Variants in MCOLN2 observed in about 807,000 individuals in gnomAD.
MCOLN2 encodes mucolipin-2.
A neutral mutation model predicts 67.5 loss-of-function variants in MCOLN2; 57 were observed. That is an observed-to-expected ratio of 0.84 (90% CI 0.68 to 1.05). The LOEUF is 1.05. Among genes scored for constraint, MCOLN2 ranks in the 50% least tolerant of loss-of-function variants. MCOLN2 has a pLI of 0.00. For missense variants in MCOLN2, 620 were observed against 678.8 expected, an observed-to-expected ratio of 0.91 and a Z score of 0.96; for synonymous variants, 246 against 233.3, an observed-to-expected ratio of 1.05 and a Z score of -0.50.
chr1:84,989,597 T>C (rs762009215), intron 1 of MCOLN2, among the ~76,000 whole-genome samples: 7 of 152,104 alleles, frequency 4.6e-5, no homozygotes, highest in South Asian at 2.1e-4. Flanking sequence ...AAATTGATAG[T>C]AGTATAATAT....
chr1:84,940,808 G>A, intron 8 of MCOLN2, 71 bp downstream of exon 8: 5 of 937,066 alleles, frequency 5.3e-6, no homozygotes, highest in Non-Finnish European at 8.2e-6. Flanking sequence ...CACAATATCG[G>A]TGGTCCACTG....
chr1:84,949,091 C>G (rs142369080), intron 6 of MCOLN2, among the ~76,000 whole-genome samples: 6,404 of 152,282 alleles, frequency 0.042, 474 homozygotes, highest in African/African-American at 0.15. Flanking sequence ...GATCACACCA[C>G]TGCACTCCAG....
chr1:84,949,892 G>A (rs886644922), intron 6 of MCOLN2, among the ~76,000 whole-genome samples: 2 of 152,162 alleles, frequency 1.3e-5, no homozygotes, highest in Non-Finnish European at 2.9e-5. Context: ...CAAAAGCTGA[G>A]GGAATTTTCA....
At chr1:84,949,397 G>C (rs1648291042) in intron 6 of MCOLN2, among the ~76,000 whole-genome samples, 1 of 152,202 alleles carries the variant, frequency 6.6e-6, no homozygotes, top group Non-Finnish European at 1.5e-5. Context: ...CCAACACTTT[G>C]GGAGGCTAAG....
At chr1:84,980,891 T>G (rs766270206) in intron 1 of MCOLN2, among the ~76,000 whole-genome samples, 1 of 152,144 alleles carries the variant, frequency 6.6e-6, no homozygotes, top group African/African-American at 2.4e-5. Context: ...AGGGAGAAGA[T>G]ATTTGCAAAC....
chr1:84,974,249 T>G (rs1649887349), intron 1 of MCOLN2, among the ~76,000 whole-genome samples: 1 of 151,996 alleles, frequency 6.6e-6, no homozygotes, highest in Admixed American at 6.6e-5. Flanking sequence ...CGAGTCCTAG[T>G]GCTGAACTGG....
At chr1:84,996,274 C>T (rs1459303693) in intron 1 of MCOLN2, among the ~76,000 whole-genome samples, 1 of 151,862 alleles carries the variant, frequency 6.6e-6, no homozygotes, top group Admixed American at 6.6e-5. Flanking sequence ...TAAGAAACCT[C>T]TCCCACCTTT....
intron 1 of MCOLN2, among the ~76,000 whole-genome samples, chr1:84,965,968 C>T (rs1476987483): frequency 1.1e-4 from 16 of 152,148 alleles, no homozygotes; most frequent in Admixed American, 9.8e-4. Flanking sequence ...AATGGCCAAT[C>T]TCGGCCAGAC....
At chr1:84,961,852 A>C (rs528841200) in intron 2 of MCOLN2, among the ~76,000 whole-genome samples, 1 of 152,338 alleles carries the variant, frequency 6.6e-6, no homozygotes, top group Admixed American at 6.5e-5. Context: ...TACCAGGTAA[A>C]AACAAGATAC....
intron 11 of MCOLN2, among the ~76,000 whole-genome samples, chr1:84,936,544 A>G (rs1647442992): frequency 6.6e-6 from 1 of 152,212 alleles, no homozygotes; most frequent in African/African-American, 2.4e-5. Context: ...CTCATGAGTC[A>G]CCTTTAAAGC....
intron 1 of MCOLN2, among the ~76,000 whole-genome samples, chr1:84,969,570 C>CAAAAAAAA (rs60003501): frequency 1.2e-5 from 1 of 80,704 alleles, no homozygotes; most frequent in African/African-American, 3.9e-5. Flanking sequence ...GACTCTGCCT[C>CAAAAAAAA]AAAAAAAAAA....
chr1:84,940,590 G>GT (rs1344400901), intron 8 of MCOLN2, among the ~76,000 whole-genome samples: 2 of 152,160 alleles, frequency 1.3e-5, no homozygotes, highest in Non-Finnish European at 2.9e-5. Flanking sequence ...AGAGGGATTT[G>GT]TTATTCTGGA....
At position 84,958,710 on chromosome 1, in the gene MCOLN2, A is replaced by C. The variant is rs1187420284; in HGVS notation, c.238-8T>G. On this transcript the variant is annotated splice_region_variant and splice_polypyrimidine_tract_variant and intron_variant, in intron 2 of 13. Coordinates refer to ENST00000370608, the MANE Select transcript of MCOLN2 (RefSeq NM_153259.4). Reference sequence around the variant, plus strand: ...TAAACCAAAACGAACAAGCTAAAAAATAAAATAAAATAGAAACACATGAAT... The same window carrying C: ...TAAACCAAAACGAACAAGCTAAAAACTAAAATAAAATAGAAACACATGAAT... 1 of 1,559,300 alleles carries C rather than the reference A, an allele frequency of 6.4e-7. No individual in the cohort carries two copies. Among genetic ancestry groups the C allele is most frequent in the Non-Finnish European group, 8.6e-7 (1 of 1,158,388 alleles).
chr1:84,951,586 A>T (rs1336976899), intron 6 of MCOLN2, among the ~76,000 whole-genome samples: 2 of 152,252 alleles, frequency 1.3e-5, no homozygotes, highest in African/African-American at 4.8e-5. Flanking sequence ...ATTTGCAAAG[A>T]CCTTCCTCTA....
At chr1:84,990,730 C>A (rs1003707017) in intron 1 of MCOLN2, among the ~76,000 whole-genome samples, 1 of 151,850 alleles carries the variant, frequency 6.6e-6, no homozygotes, top group African/African-American at 2.4e-5. Flanking sequence ...CCAGTCTGAG[C>A]AACATAGGGA....
intron 13 of MCOLN2, among the ~76,000 whole-genome samples, chr1:84,927,168 C>A (rs764612968): frequency 6.8e-6 from 1 of 147,016 alleles, no homozygotes; most frequent in Non-Finnish European, 1.5e-5. Context: ...GTAACCTGCA[C>A]GTTCAGCACA....
chr1:84,951,726 G>A (rs1298554878), intron 6 of MCOLN2, among the ~76,000 whole-genome samples: 1 of 152,188 alleles, frequency 6.6e-6, no homozygotes, highest in Non-Finnish European at 1.5e-5. Context: ...GTTTTTAAAA[G>A]TTGAAAAGGG....
At chr1:84,981,942 A>G (rs1305921978) in intron 1 of MCOLN2, among the ~76,000 whole-genome samples, 1 of 132,560 alleles carries the variant, frequency 7.5e-6, no homozygotes, top group African/African-American at 2.6e-5. Context: ...TACATCTACA[A>G]TGTACCCACA....
Position 84,997,029 on chromosome 1 carries a change from G to A in MCOLN2, c.-157C>T, listed in dbSNP as rs1651194064. 3.0e-6 allele frequency: 2 copies of A among 657,136 alleles called. No homozygotes were observed. Among genetic ancestry groups the A allele is most frequent in the Non-Finnish European group, 5.2e-6 (2 of 381,660 alleles). 40.7% of individuals were successfully genotyped at this position (657,136 alleles called of 1,614,324 possible). On this transcript the variant is annotated 5_prime_UTR_variant, in exon 1 of 14. Coordinates refer to ENST00000370608, the MANE Select transcript of MCOLN2 (RefSeq NM_153259.4). ...TTACCCTTTCTGCCGGCCGCGTGGTGCGCGCAGACCCCGGCCCGAGAGCAG... is the reference window on the plus strand; with the variant it reads ...TTACCCTTTCTGCCGGCCGCGTGGTACGCGCAGACCCCGGCCCGAGAGCAG...
Sources: allele counts gnomAD v4.1 joint callset (sites outside exome capture counted in the v4.1 genomes callset), GRCh38; gene constraint gnomAD v4.1.1; transcripts MANE v1.5; gene names NCBI Gene and HGNC (gene_info 2026-07-23, HGNC 2026-07-21).